BASP1: variants seen among roughly 807,000 people sequenced by gnomAD.
BASP1 encodes brain abundant membrane attached signal protein 1.
A neutral mutation model predicts 2.2 loss-of-function variants in BASP1; 1 was observed. That is an observed-to-expected ratio of 0.46 (90% CI 0.16 to 2.17). The LOEUF (loss-of-function observed/expected upper bound fraction) is 2.17, where lower values mean the gene tolerates loss of function less well. Among genes scored for constraint, BASP1 ranks in the 30% most tolerant of loss-of-function variants. The pLI, the probability that BASP1 is intolerant of heterozygous loss-of-function variation, is 0.27. For missense variants in BASP1, 352 were observed against 327.2 expected, an observed-to-expected ratio of 1.08 and a Z score of -0.58; for synonymous variants, 187 against 154.2, an observed-to-expected ratio of 1.21 and a Z score of -1.58.
At chr5:17,217,071 T>TGTGTGTGA (rs1367601986), upstream of BASP1, 1 of 102,030 alleles carries the variant, frequency 9.8e-6, no homozygotes, top group Admixed American at 1.1e-4. Context: ...AGAGAGAGAG[T>TGTGTGTGA]GAGAGAGAGA....
chr5:17,252,797 C>A (rs903033004), intron 1 of BASP1, among the ~76,000 whole-genome samples: 1 of 152,228 alleles, frequency 6.6e-6, no homozygotes, highest in African/African-American at 2.4e-5. Flanking sequence ...ATCACACTCT[C>A]ATCTGATCAT....
At chr5:17,233,732 G>A (rs1183220291) in intron 1 of BASP1, among the ~76,000 whole-genome samples, 1 of 151,420 alleles carries the variant, frequency 6.6e-6, no homozygotes, top group Non-Finnish European at 1.5e-5. Flanking sequence ...GCCTTTTGAT[G>A]TGTGTTTCCA....
rs116245344 is a variant in BASP1, at chr5:17,259,568, A to G, written c.-9-15640A>G. On this transcript the variant is annotated intron_variant, in intron 1 of 1. Transcript: ENST00000322611. Reference sequence around the variant, plus strand: ...GGTTTTCACTGAAAATCATTAAAATATGAAATAGCATTAGGACTGAAAATA... The same window carrying G: ...GGTTTTCACTGAAAATCATTAAAATGTGAAATAGCATTAGGACTGAAAATA... 2.4e-3 allele frequency among the ~76,000 whole-genome samples: 372 copies of G among 152,338 alleles called. 4 individuals carry two copies. Among genetic ancestry groups the G allele is most frequent in the African/African-American group, 8.7e-3 (361 of 41,584 alleles).
At chr5:17,240,125 A>AAGAT (rs1561168711) in intron 1 of BASP1, among the ~76,000 whole-genome samples, 3 of 132,988 alleles carry the variant, frequency 2.3e-5, no homozygotes, top group Admixed American at 1.6e-4. Context: ...GAAAAAAATA[A>AAGAT]AAATAAAGAT....
chr5:17,249,349 A>G (rs1740055768), intron 1 of BASP1, among the ~76,000 whole-genome samples: 1 of 152,176 alleles, frequency 6.6e-6, no homozygotes, highest in African/African-American at 2.4e-5. Context: ...GCAGCAAGTC[A>G]GGATTTTTAT....
intron 1 of BASP1, among the ~76,000 whole-genome samples, chr5:17,222,357 C>T (rs939462051): frequency 6.6e-6 from 1 of 152,184 alleles, no homozygotes; most frequent in Non-Finnish European, 1.5e-5. Flanking sequence ...CATTTAAGTT[C>T]TCTTGAGAAA....
chr5:17,255,989 T>A (rs550484039), intron 1 of BASP1, among the ~76,000 whole-genome samples: 2 of 152,284 alleles, frequency 1.3e-5, no homozygotes, highest in Admixed American at 1.3e-4. Flanking sequence ...AAACTTGGTC[T>A]TTGAATCAGA....
At position 17,271,969 on chromosome 5, in the gene BASP1, G is replaced by C. The variant is rs1238036921; in HGVS notation, c.-9-3239G>C. Among the ~76,000 whole-genome samples the C allele has an allele frequency of 2.0e-5, 3 of 151,790 alleles. No homozygotes were observed. The East Asian group carries it at 5.8e-4, about 29-fold the overall frequency. ...GTAATCTCAGCTACTCGGGAGGCTG[G>C]GCAGGAGAATTGCTTGAACCTGGGA... On this transcript the variant is annotated intron_variant, in intron 1 of 1. Coordinates refer to ENST00000322611, the MANE Select transcript of BASP1 (RefSeq NM_006317.5).
At position 17,236,301 on chromosome 5, in the gene BASP1, T is replaced by G. The variant is rs948223685; in HGVS notation, c.-10+18491T>G. Among the ~76,000 whole-genome samples, 7 of 152,228 alleles carry G rather than the reference T, an allele frequency of 4.6e-5. No homozygotes were observed. The highest frequency in any genetic ancestry group is 7.3e-5 in the Non-Finnish European group (5 of 68,044). On this transcript the variant is annotated intron_variant, in intron 1 of 1. Coordinates refer to ENST00000322611, the MANE Select transcript of BASP1 (RefSeq NM_006317.5). This position sits in a 1 kb window ranked among gnomAD's most constrained non-coding sequence, Gnocchi z 4.0. ...TTTTTGGGATGGAGTTTCACTCTTG[T>G]TGCCCAGGCTGGAGTGTAATGGCGT...
At position 17,275,911 on chromosome 5, in the gene BASP1, C is replaced by T; in HGVS notation, c.*11C>T. 1.3e-6 allele frequency: 2 copies of T among 1,555,754 alleles called. No individual in the cohort carries two copies. Among genetic ancestry groups the T allele is most frequent in the Non-Finnish European group, 1.7e-6 (2 of 1,153,396 alleles). ...ACCGTGAAAGAGTGACAAGGACAGC[C>T]TATAGGAAAAACAATACCACTTAAA... On this transcript the variant is annotated 3_prime_UTR_variant, in exon 2 of 2. Transcript: ENST00000322611. This position sits in a 1 kb window ranked among gnomAD's most constrained non-coding sequence, Gnocchi z 5.3.
chr5:17,243,708 CTTG>C (rs1201338203), intron 1 of BASP1, among the ~76,000 whole-genome samples: 3 of 152,166 alleles, frequency 2.0e-5, no homozygotes, highest in South Asian at 4.1e-4. Flanking sequence ...ACCATATGAT[CTTG>C]TTGTTGGTGA....
Position 17,275,323 on chromosome 5 carries a change from C to G in BASP1, c.107C>G (p.Thr36Ser). The G allele has an allele frequency of 6.2e-7, 1 of 1,612,274 alleles. No individual in the cohort carries two copies. Among genetic ancestry groups the G allele is most frequent in the South Asian group, 1.1e-5 (1 of 90,992 alleles). Residue 36 changes from threonine to serine, a missense_variant, in exon 2 of 2, where the codon ACC becomes AGC. By Grantham distance (58) the Thr-to-Ser change is moderately conservative. Coordinates refer to ENST00000322611, the MANE Select transcript of BASP1 (RefSeq NM_006317.5). The surrounding 1 kb of genome is among the most constrained non-coding windows in gnomAD (Gnocchi z 5.3). ...GGCGCGGCGACGGAAGAGGAGGGGA[C>G]CCCGAAGGAGAGTGAGCCCCAGGCG... The part of the protein sequence containing the change: ...AEGAATEEEG[T>S]PKESEPQAAA...
intron 1 of BASP1, among the ~76,000 whole-genome samples, chr5:17,265,853 G>A (rs1478218116): frequency 2.0e-5 from 3 of 152,212 alleles, no homozygotes; most frequent in Non-Finnish European, 4.4e-5. Context: ...TACTGCAGGA[G>A]TCTTGACCCA....
chr5:17,269,421 G>A (rs377714804), intron 1 of BASP1, among the ~76,000 whole-genome samples: 4 of 152,146 alleles, frequency 2.6e-5, no homozygotes, highest in Non-Finnish European at 5.9e-5. Flanking sequence ...GACCAGGCTG[G>A]TGTGATGAAT....
chr5:17,233,605 T>C (rs1020755796), intron 1 of BASP1, among the ~76,000 whole-genome samples: 2 of 152,174 alleles, frequency 1.3e-5, no homozygotes, highest in African/African-American at 4.8e-5. Flanking sequence ...AGACCTACTG[T>C]ATGTTTTGTT....
In BASP1 at chr5:17,241,234, G is replaced by A. The variant is rs896804530; in HGVS notation, c.-10+23424G>A. On this transcript the variant is annotated intron_variant, in intron 1 of 1. Coordinates refer to ENST00000322611, the MANE Select transcript of BASP1 (RefSeq NM_006317.5). Reference sequence around the variant, plus strand: ...TGTGCCTCAGCCTCCTGAGTAGCTGGGATTATAGACATGTACCACCAGTCC... The same window carrying A: ...TGTGCCTCAGCCTCCTGAGTAGCTGAGATTATAGACATGTACCACCAGTCC... 2.6e-5 allele frequency among the ~76,000 whole-genome samples: 4 copies of A among 151,978 alleles called. No individual in the cohort carries two copies. In the East Asian group the frequency reaches 7.7e-4, roughly 29 times the overall value.
At chr5:17,250,583 T>A (rs1414822595) in intron 1 of BASP1, among the ~76,000 whole-genome samples, 1 of 152,076 alleles carries the variant, frequency 6.6e-6, no homozygotes, top group Non-Finnish European at 1.5e-5. Flanking sequence ...GTCTAATGTA[T>A]TGAAGTTTAT....
chr5:17,261,352 AG>A (rs1324820330), intron 1 of BASP1, among the ~76,000 whole-genome samples: 1 of 152,204 alleles, frequency 6.6e-6, no homozygotes, highest in Non-Finnish European at 1.5e-5. Flanking sequence ...TCAGCATTTT[AG>A]TTGTTGAAAT....
intron 1 of BASP1, among the ~76,000 whole-genome samples, chr5:17,250,705 T>C (rs548161810): frequency 3.3e-5 from 5 of 152,188 alleles, no homozygotes; most frequent in Admixed American, 1.3e-4. Flanking sequence ...CCCGGGTTCA[T>C]GCCATTCTCC....
Sources: gnomAD v4.1 joint callset for allele counts (sites outside exome capture counted in the v4.1 genomes callset) on GRCh38, gnomAD v4.1.1 for gene constraint, Gnocchi (gnomAD v3.1) non-coding constraint, MANE v1.5 for transcripts, NCBI Gene and HGNC (gene_info 2026-07-23, HGNC 2026-07-21) for gene names.